The following LSAMP variants were observed in gnomAD, a reference collection of about 807,000 sequenced individuals.
The protein encoded by LSAMP is limbic system-associated membrane protein.
A neutral mutation model predicts 38.6 loss-of-function variants in LSAMP; 7 were observed. The ratio of observed to expected loss-of-function variants is 0.18; its 90% CI spans 0.10 to 0.34. LSAMP has a LOEUF of 0.34. Among genes scored for constraint, LSAMP ranks in the 10% least tolerant of loss-of-function variants. LSAMP has a pLI of 1.00. For missense variants in LSAMP, 313 were observed against 420.0 expected (o/e 0.75, Z 2.23); for synonymous variants, 154 against 166.8 (o/e 0.92, Z 0.59).
chr3:116,239,026 C>T (rs2046498816), intron 1 of LSAMP, among the ~76,000 whole-genome samples: 1 of 152,158 alleles, frequency 6.6e-6, no homozygotes, highest in African/African-American at 2.4e-5. Flanking sequence ...GCTTAGTTCT[C>T]TCCACGTGGC....
At chr3:116,056,569 G>A (rs1178710178) in intron 2 of LSAMP, among the ~76,000 whole-genome samples, 1 of 152,042 alleles carries the variant, frequency 6.6e-6, no homozygotes, top group Non-Finnish European at 1.5e-5. Context: ...CACATTCTGG[G>A]AAAAAGACTA....
At chr3:116,239,091 G>A (rs1433533455) in intron 1 of LSAMP, among the ~76,000 whole-genome samples, 2 of 152,150 alleles carry the variant, frequency 1.3e-5, no homozygotes, top group African/African-American at 4.8e-5. Flanking sequence ...TTTGTGTCAT[G>A]TCACCTGTGA....
intron 1 of LSAMP, among the ~76,000 whole-genome samples, chr3:116,146,454 G>C (rs1343930015): frequency 6.6e-6 from 1 of 151,874 alleles, no homozygotes; most frequent in Non-Finnish European, 1.5e-5. Flanking sequence ...AAAAGCAAAA[G>C]GAGCCTTAGA....
At chr3:116,341,041 A>G (rs752780969) in intron 1 of LSAMP, among the ~76,000 whole-genome samples, 3 of 152,048 alleles carry the variant, frequency 2.0e-5, no homozygotes, top group African/African-American at 4.8e-5. Flanking sequence ...TGATCCTTTT[A>G]TGGATCCAGA....
At chr3:116,153,306 C>A (rs1046959870) in intron 1 of LSAMP, among the ~76,000 whole-genome samples, 1 of 152,090 alleles carries the variant, frequency 6.6e-6, no homozygotes, top group Non-Finnish European at 1.5e-5. Flanking sequence ...ACTACACCTA[C>A]GTGACATCCA....
At chr3:116,005,855 T>G (rs1276971547) in intron 3 of LSAMP, among the ~76,000 whole-genome samples, 1 of 152,198 alleles carries the variant, frequency 6.6e-6, no homozygotes, top group Non-Finnish European at 1.5e-5. Context: ...GATAGGCCAT[T>G]CAGACTTTGG....
intron 3 of LSAMP, among the ~76,000 whole-genome samples, chr3:115,995,832 T>C (rs1437545016): frequency 6.6e-6 from 1 of 152,032 alleles, no homozygotes; most frequent in African/African-American, 2.4e-5. Context: ...TATTTGGAGC[T>C]GGTGAGGAAA....
chr3:115,999,887 C>CAA (rs1939939172), intron 3 of LSAMP, among the ~76,000 whole-genome samples: 1 of 152,136 alleles, frequency 6.6e-6, no homozygotes, highest in African/African-American at 2.4e-5. Flanking sequence ...TCTGCCACTG[C>CAA]ACAGCTGTCA....
intron 1 of LSAMP, among the ~76,000 whole-genome samples, chr3:116,128,521 T>C (rs1709056335): frequency 6.6e-6 from 1 of 152,162 alleles, no homozygotes; most frequent in Non-Finnish European, 1.5e-5. Context: ...TCAAAACAAA[T>C]TGTCTTGGTA....
At chr3:115,971,074 A>G (rs1324788570) in intron 3 of LSAMP, among the ~76,000 whole-genome samples, 1 of 152,144 alleles carries the variant, frequency 6.6e-6, no homozygotes, top group Non-Finnish European at 1.5e-5. Context: ...GCTGATTCAG[A>G]TTATTCAGAG....
intron 4 of LSAMP, among the ~76,000 whole-genome samples, chr3:115,844,068 A>T (rs1209896632): frequency 6.6e-6 from 1 of 152,116 alleles, no homozygotes; most frequent in East Asian, 1.9e-4. Flanking sequence ...TTCTCATCAT[A>T]CGTTTTCTTT....
At chr3:116,273,928 T>C (rs1198930456) in intron 1 of LSAMP, among the ~76,000 whole-genome samples, 1 of 151,472 alleles carries the variant, frequency 6.6e-6, no homozygotes, top group Non-Finnish European at 1.5e-5. Flanking sequence ...GACCATAGGT[T>C]AGAAGAATAA....
chr3:116,177,065 T>G (rs1472338662), intron 1 of LSAMP, among the ~76,000 whole-genome samples: 1 of 152,130 alleles, frequency 6.6e-6, no homozygotes, highest in East Asian at 1.9e-4. Context: ...TAGTAGCTTT[T>G]CTTATAAGAA....
chr3:116,403,163 T>C (rs1308891643), intron 1 of LSAMP, among the ~76,000 whole-genome samples: 1 of 152,188 alleles, frequency 6.6e-6, no homozygotes, highest in South Asian at 2.1e-4. Flanking sequence ...GTGAAATGGA[T>C]GTTATTCACA....
At chr3:116,426,049 T>C (rs1379896402) in intron 1 of LSAMP, among the ~76,000 whole-genome samples, 1 of 151,566 alleles carries the variant, frequency 6.6e-6, no homozygotes, top group Admixed American at 6.6e-5. Flanking sequence ...TGAGCAAAAA[T>C]AGAAAAGAAA....
At chr3:116,235,138 T>A (rs2046449096) in intron 1 of LSAMP, among the ~76,000 whole-genome samples, 1 of 129,500 alleles carries the variant, frequency 7.7e-6, no homozygotes, top group Non-Finnish European at 1.7e-5. Context: ...TGCTAAAGTG[T>A]GTTTTTATTA....
chr3:115,988,987 G>A (rs557024893), intron 3 of LSAMP, among the ~76,000 whole-genome samples: 3 of 152,024 alleles, frequency 2.0e-5, no homozygotes, highest in African/African-American at 7.2e-5. Flanking sequence ...AAACCATAGC[G>A]TTTTTCTAAA....
At position 116,101,874 on chromosome 3, in the gene LSAMP, G is replaced by C. The variant is rs1240440796; in HGVS notation, c.156-15318C>G. ...TCTTTTGTTAGTGTCTCTTGACTTA[G>C]AGGCTTATATTTAAGGATCCCAATA... On this transcript the variant is annotated intron_variant, in intron 1 of 6. Coordinates refer to ENST00000490035, the MANE Select transcript of LSAMP (RefSeq NM_002338.5). Among the ~76,000 whole-genome samples the C allele has an allele frequency of 2.6e-5, 4 of 152,042 alleles. No homozygotes were observed. In the East Asian group the frequency reaches 7.7e-4, roughly 29 times the overall value.
chr3:116,266,539 G>A (rs146348573), intron 1 of LSAMP, among the ~76,000 whole-genome samples: 2 of 152,094 alleles, frequency 1.3e-5, no homozygotes, highest in African/African-American at 4.8e-5. Context: ...CAATAAATAG[G>A]GAACTTTTAT....
Sources: gnomAD v4.1 joint callset for allele counts (sites outside exome capture counted in the v4.1 genomes callset) on GRCh38, gnomAD v4.1.1 for gene constraint, MANE v1.5 for transcripts, NCBI Gene and HGNC (gene_info 2026-07-23, HGNC 2026-07-21) for gene names.